Variants in CRX observed in about 807,000 individuals in gnomAD.
The protein encoded by CRX is cone-rod homeobox protein.
In CRX, 5 loss-of-function variants were observed where a neutral mutation model predicts 13.1. The observed-to-expected ratio is 0.38, with a 90% CI of 0.20 to 0.80. CRX has a LOEUF of 0.80. Ranked by LOEUF, CRX falls within the 30% of genes least tolerant of loss-of-function variation. The probability of loss-of-function intolerance (pLI) is 0.43; values close to 1 mark genes in which losing one functional copy is unlikely to be tolerated. For missense variants in CRX, 351 were observed against 391.8 expected (o/e 0.90, Z 0.88); for synonymous variants, 179 against 171.1 (o/e 1.05, Z -0.36).
At chr19:47,832,184 C>A (rs1968058339) in intron 1 of CRX, among the ~76,000 whole-genome samples, 1 of 128,256 alleles carries the variant, frequency 7.8e-6, no homozygotes, top group Non-Finnish European at 1.6e-5. Context: ...TGGCTCATTG[C>A]AACTTCTGCC....
intron 1 of CRX, among the ~76,000 whole-genome samples, chr19:47,825,245 T>C (rs1032994860): frequency 1.3e-5 from 2 of 152,050 alleles, no homozygotes; most frequent in Non-Finnish European, 2.9e-5. Context: ...CCCAAAGTGC[T>C]GAGCCACTGG....
chr19:47,835,620 G>GTTTTTTTTTTTTTTT (rs34872129), intron 2 of CRX, among the ~76,000 whole-genome samples: 1 of 102,212 alleles, frequency 9.8e-6, no homozygotes, highest in African/African-American at 4.1e-5. Context: ...TTTAGCTCTT[G>GTTTTTTTTTTTTTTT]TTTTTTTTTT....
chr19:47,822,064 G>A (rs1040962433), intron 1 of CRX, 54 bp downstream of exon 1: 8 of 152,844 alleles, frequency 5.2e-5, no homozygotes, highest in Admixed American at 1.3e-4. Context: ...AAAAAGAGAG[G>A]GGAGAAGTTG....
Position 47,839,342 on chromosome 19 carries a change from C to A in CRX, c.275C>A (p.Ala92Asp), listed in dbSNP as rs750825795. 1 of 1,613,508 alleles carries A rather than the reference C, an allele frequency of 6.2e-7. No homozygotes were observed. Residue 92 changes from alanine (A) to aspartate (D), a missense_variant, in exon 4 of 4, where the codon GCT (alanine) becomes GAT (aspartate). Transcript: ENST00000221996. This position sits in a 1 kb window ranked among gnomAD's most constrained non-coding sequence, Gnocchi z 4.6. Reference protein sequence around the residue: ...RVQVWFKNRRAKCRQQRQQQK... With the variant: ...RVQVWFKNRRDKCRQQRQQQK... Reference sequence around the variant, plus strand: ...CAGGTTTGGTTCAAGAACCGGAGGGCTAAATGCAGGCAGCAGCGACAGCAG... The same window carrying A: ...CAGGTTTGGTTCAAGAACCGGAGGGATAAATGCAGGCAGCAGCGACAGCAG...
chr19:47,827,405 A>ATT (rs369150093), intron 1 of CRX, among the ~76,000 whole-genome samples: 1 of 141,400 alleles, frequency 7.1e-6, no homozygotes, highest in African/African-American at 2.6e-5. Flanking sequence ...TGTTTTTTTA[A>ATT]TTTTTTTTTT....
At chr19:47,822,963 T>C (rs1320586700) in intron 1 of CRX, among the ~76,000 whole-genome samples, 2 of 150,524 alleles carry the variant, frequency 1.3e-5, no homozygotes, top group Non-Finnish European at 3.0e-5. Flanking sequence ...CCAGCTATTT[T>C]TTGTATTTTT....
chr19:47,822,717 G>A (rs569475911), intron 1 of CRX, among the ~76,000 whole-genome samples: 16 of 152,278 alleles, frequency 1.1e-4, no homozygotes, highest in Admixed American at 3.3e-4. Context: ...GCTCTACTTC[G>A]GGACTGGGGA....
chr19:47,824,484 C>A (rs8102715), intron 1 of CRX, among the ~76,000 whole-genome samples: 1 of 152,106 alleles, frequency 6.6e-6, no homozygotes, highest in African/African-American at 2.4e-5. Flanking sequence ...TACCAGAAGC[C>A]GCCTGGGAGG....
rs999829910 is a variant in CRX at position 47,840,246 on chromosome 19, T to G, written c.*279T>G. The G allele has an allele frequency of 2.2e-6, 1 of 453,558 alleles. No individual in the cohort carries two copies. The highest frequency in any genetic ancestry group is 3.7e-5 in the Admixed American group (1 of 26,954). The allele number at this position is 453,558 out of a possible 1,614,324, so 28.1% of individuals were successfully genotyped here. A position where few individuals can be genotyped will look rare whatever the true frequency, so the allele number is the denominator to read the frequency against. ...CTGAAGTACACCACGAGCTCCAGGC[T>G]TCAGAAAGTGGTGCTGAGAACTTGC... On this transcript the variant is annotated 3_prime_UTR_variant, in exon 4 of 4. Transcript: ENST00000221996.
At chr19:47,823,841 G>T (rs960138047) in intron 1 of CRX, among the ~76,000 whole-genome samples, 2 of 151,990 alleles carry the variant, frequency 1.3e-5, no homozygotes, top group Non-Finnish European at 1.5e-5. Context: ...GTAGAGATGG[G>T]GTTTCACCTT....
chr19:47,823,503 G>T (rs1967936875), intron 1 of CRX, among the ~76,000 whole-genome samples: 1 of 152,188 alleles, frequency 6.6e-6, no homozygotes, highest in East Asian at 1.9e-4. Flanking sequence ...GGCAGTGGGT[G>T]CATCCACCCA....
chr19:47,825,033 C>T (rs57483655), intron 1 of CRX, among the ~76,000 whole-genome samples: 3,335 of 130,364 alleles, frequency 0.026, 152 homozygotes, highest in African/African-American at 0.09. Flanking sequence ...CTCTGTCGCC[C>T]AGGTTGGAAT....
chr19:47,831,492 C>T (rs113505400), intron 1 of CRX, among the ~76,000 whole-genome samples: 2,673 of 152,098 alleles, frequency 0.018, 78 homozygotes, highest in African/African-American at 0.057. Context: ...GGAACGTGAA[C>T]CCTATTGTGA....
chr19:47,827,810 C>G (rs1464102992), intron 1 of CRX, among the ~76,000 whole-genome samples: 1 of 119,618 alleles, frequency 8.4e-6, no homozygotes, highest in Non-Finnish European at 1.6e-5. Context: ...GGCAAGAGCC[C>G]CTGCTCCTGG....
Position 47,840,065 on chromosome 19 carries a change from A to C in CRX, c.*98A>C. 7.0e-7 allele frequency: 1 copy of C among 1,432,156 alleles called. No homozygotes were observed. The highest frequency in any genetic ancestry group is 1.2e-5 in the South Asian group (1 of 85,046). 88.7% of individuals were successfully genotyped at this position (1,432,156 alleles called of 1,614,324 possible). A position where few individuals can be genotyped will look rare whatever the true frequency, so the allele number is the denominator to read the frequency against. On this transcript the variant is annotated 3_prime_UTR_variant, in exon 4 of 4. Transcript: ENST00000221996. ...AGATCCCGGGATGGCATTCCTGAGA[A>C]AGCAACCCGAACCAGCTGTCCTTCT...
At position 47,842,472 on chromosome 19, in the gene CRX, C is replaced by T. The variant is rs1968210154; in HGVS notation, c.*2505C>T. 6.6e-6 allele frequency: 1 copy of T among 152,294 alleles called. No individual in the cohort carries two copies. The highest frequency in any genetic ancestry group is 2.1e-4 in the South Asian group (1 of 4,826). 9.4% of individuals were successfully genotyped at this position (152,294 alleles called of 1,614,324 possible). A position where few individuals can be genotyped will look rare whatever the true frequency, so the allele number is the denominator to read the frequency against. On this transcript the variant is annotated 3_prime_UTR_variant, in exon 4 of 4. Coordinates refer to ENST00000221996, the MANE Select transcript of CRX (RefSeq NM_000554.6). The stretch of plus-strand genomic sequence containing the variant: ...TGGCACGCGCCTGTAATCCCAGCTA[C>T]TCGGGAGGCTGAGGCAGGAGAATTG...
At position 47,839,527 on chromosome 19, in the gene CRX, A is replaced by G. The variant is rs763651232; in HGVS notation, c.460A>G (p.Thr154Ala). The G allele has an allele frequency of 1.4e-4, 227 of 1,613,566 alleles. 1 individual carries two copies. In the East Asian group the frequency reaches 4.8e-3, roughly 34 times the overall value. Residue 154 changes from threonine (T) to alanine (A), a missense_variant, in exon 4 of 4, where the codon ACC becomes GCC. Physicochemically the swap from Thr to Ala is moderately conservative, Grantham distance 58. This residue lies in a region of CRX where 253 missense variants were observed against 268.3 expected (regional missense o/e 0.94). Transcript: ENST00000221996. This position sits in a 1 kb window ranked among gnomAD's most constrained non-coding sequence, Gnocchi z 4.6. The part of the protein sequence containing the change: ...PPLPGPSGSP[T>A]TAVATVSIWS... ...TCTGCCCGGCCCCTCAGGCTCCCCA[A>G]CCACGGCAGTGGCCACTGTGTCCAT...
Position 47,839,872 on chromosome 19 carries a change from T to TTCAA in CRX, c.806_809dup (p.Lys270AsnfsTer50), listed in dbSNP as rs1968173706. ...CTACAGCCCCGTGGATAGCTTGGAA[T>TTCAA]TCAAGGACCCCACGGGCACCTGGAA... On this transcript the variant is annotated frameshift_variant, in exon 4 of 4. Transcript: ENST00000221996. LOFTEE classifies it high-confidence loss of function. The surrounding 1 kb of genome is among the most constrained non-coding windows in gnomAD (Gnocchi z 4.6). The TTCAA allele has an allele frequency of 1.2e-6, 2 of 1,613,884 alleles. No homozygotes were observed. The highest frequency in any genetic ancestry group is 1.7e-6 in the Non-Finnish European group (2 of 1,180,034).
At chr19:47,834,181 G>T (rs1001330063) in intron 1 of CRX, among the ~76,000 whole-genome samples, 1 of 152,126 alleles carries the variant, frequency 6.6e-6, no homozygotes, top group Non-Finnish European at 1.5e-5. Context: ...GCACTTATGA[G>T]GCACATGATG....
Sources: allele counts gnomAD v4.1 joint callset (sites outside exome capture counted in the v4.1 genomes callset), GRCh38; gene constraint gnomAD v4.1.1; regional missense constraint gnomAD v4.1.1; non-coding constraint Gnocchi (gnomAD v3.1); transcripts MANE v1.5; gene names NCBI Gene and HGNC (gene_info 2026-07-23, HGNC 2026-07-21).